EMID1: variants seen among roughly 807,000 people sequenced by gnomAD.
EMID1 encodes EMI domain-containing protein 1.
In EMID1, 40 loss-of-function variants were observed where a neutral mutation model predicts 60.6. That is an observed-to-expected ratio of 0.66 (90% CI 0.51 to 0.86). EMID1 has a LOEUF of 0.86. Among genes scored for constraint, EMID1 ranks in the 40% least tolerant of loss-of-function variants. EMID1 has a pLI of 0.00. For synonymous variants in EMID1, 242 were observed against 231.0 expected (o/e 1.05, Z -0.43); for missense variants, 585 against 597.1 (o/e 0.98, Z 0.21).
chr22:29,247,526 T>C (rs547311571), intron 13 of EMID1, among the ~76,000 whole-genome samples: 1 of 152,376 alleles, frequency 6.6e-6, no homozygotes, highest in African/African-American at 2.4e-5. Flanking sequence ...AAACAGCACG[T>C]TACTACGCTA....
chr22:29,228,861 G>A (rs1212913400), intron 5 of EMID1, among the ~76,000 whole-genome samples: 1 of 152,150 alleles, frequency 6.6e-6, no homozygotes, highest in African/African-American at 2.4e-5. Context: ...CTCCAGGAGT[G>A]TTGGGATTAC....
intron 5 of EMID1, among the ~76,000 whole-genome samples, chr22:29,230,811 C>G (rs1330388223): frequency 6.6e-6 from 1 of 152,096 alleles, no homozygotes; most frequent in African/African-American, 2.4e-5. Flanking sequence ...TTTAAATTTG[C>G]CATGTGTGGT....
intron 1 of EMID1, 111 bp downstream of exon 1, chr22:29,206,250 T>TGAG (rs35390145): frequency 0.029 from 24,790 of 857,784 alleles, 557 homozygotes; most frequent in African/African-American, 0.085. Context: ...CCAGCCCGGG[T>TGAG]GAGGGCAGGG....
At chr22:29,238,564 C>T (rs1347731963) in intron 12 of EMID1, among the ~76,000 whole-genome samples, 2 of 142,584 alleles carry the variant, frequency 1.4e-5, no homozygotes, top group Admixed American at 1.4e-4. Context: ...ATTACAGGCA[C>T]CTGCCATCAC....
chr22:29,248,738 G>A (rs780701465), intron 13 of EMID1, among the ~76,000 whole-genome samples: 5 of 152,132 alleles, frequency 3.3e-5, no homozygotes, highest in Admixed American at 6.5e-5. Context: ...GTACTTGGGA[G>A]GCTAAGGTGG....
chr22:29,233,710 T>C, intron 10 of EMID1, 44 bp downstream of exon 10: 1 of 1,574,080 alleles, frequency 6.4e-7, no homozygotes, highest in Non-Finnish European at 8.7e-7. Flanking sequence ...TCTGTCCATC[T>C]TTCCATCTAT....
At chr22:29,216,349 A>G (rs1199370753) in intron 3 of EMID1, 7 of 985,322 alleles carry the variant, frequency 7.1e-6, no homozygotes, top group Non-Finnish European at 8.4e-6. Flanking sequence ...TGAGCAGCCC[A>G]GGCCTCTCCC....
At position 29,233,208 on chromosome 22, in the gene EMID1, C is replaced by G. The variant is rs1029284598; in HGVS notation, c.824-171C>G. The G allele has an allele frequency of 5.9e-6, 4 of 681,674 alleles. No individual in the cohort carries two copies. The Admixed American group carries it at 7.1e-5, about 12-fold the overall frequency. 42.2% of individuals were successfully genotyped at this position (681,674 alleles called of 1,614,324 possible). Reference sequence around the variant, plus strand: ...CACATCTCCCTGCCTCCTGGTCTTGCGGGACCAACACTCTCCACACTCCTC... The same window carrying G: ...CACATCTCCCTGCCTCCTGGTCTTGGGGGACCAACACTCTCCACACTCCTC... On this transcript the variant is annotated intron_variant, in intron 8 of 14. Transcript: ENST00000334018.
At chr22:29,215,671 G>A (rs1323554238) in intron 3 of EMID1, 41 bp downstream of exon 3, 3 of 1,538,282 alleles carry the variant, frequency 2.0e-6, no homozygotes, top group Non-Finnish European at 2.7e-6. Context: ...TGCGACAGCA[G>A]GCCAGGTGCC....
intron 1 of EMID1, among the ~76,000 whole-genome samples, chr22:29,212,286 C>CT (rs1421252626): frequency 6.6e-6 from 1 of 151,386 alleles, no homozygotes; most frequent in African/African-American, 2.4e-5. Context: ...TGCACCCGAC[C>CT]CTTTTTTTTA....
intron 13 of EMID1, among the ~76,000 whole-genome samples, chr22:29,246,626 C>T (rs935061728): frequency 6.6e-6 from 1 of 152,078 alleles, no homozygotes; most frequent in African/African-American, 2.4e-5. Context: ...TGTCTGTGGA[C>T]CAACGGGAGG....
At chr22:29,247,659 C>T (rs1224561481) in intron 13 of EMID1, among the ~76,000 whole-genome samples, 1 of 152,200 alleles carries the variant, frequency 6.6e-6, no homozygotes, top group Non-Finnish European at 1.5e-5. Context: ...AGGACAAAAT[C>T]TTGCTCTGTC....
chr22:29,221,485 C>G (rs2040298210), intron 3 of EMID1, among the ~76,000 whole-genome samples: 1 of 152,206 alleles, frequency 6.6e-6, no homozygotes, highest in African/African-American at 2.4e-5. Context: ...CGCCATTCTC[C>G]TGCCTCAGCC....
At chr22:29,208,005 G>T (rs2039739457) in intron 1 of EMID1, among the ~76,000 whole-genome samples, 1 of 152,222 alleles carries the variant, frequency 6.6e-6, no homozygotes, top group African/African-American at 2.4e-5. Context: ...CTGGCCATGG[G>T]TCTCAGTTTT....
chr22:29,218,868 G>C lies in EMID1; in HGVS notation c.319+3238G>C, dbSNP rs776031818. On this transcript the variant is annotated intron_variant, in intron 3 of 14. Transcript: ENST00000334018. Reference sequence around the variant, plus strand: ...GATGAAAGTGAAGCTCAGAGAGGGCGTGGGTCTCACATAAGGTCACACAGC... The same window carrying C: ...GATGAAAGTGAAGCTCAGAGAGGGCCTGGGTCTCACATAAGGTCACACAGC... Among the ~76,000 whole-genome samples, 4 of 152,174 alleles carry C rather than the reference G, an allele frequency of 2.6e-5. No individual in the cohort carries two copies. In the South Asian group the frequency reaches 8.3e-4, roughly 32 times the overall value.
At chr22:29,208,756 G>A (rs971303590) in intron 1 of EMID1, among the ~76,000 whole-genome samples, 5 of 152,208 alleles carry the variant, frequency 3.3e-5, no homozygotes, top group African/African-American at 1.2e-4. Context: ...AGAAGGTACT[G>A]TGCTGGTGTC....
intron 14 of EMID1, among the ~76,000 whole-genome samples, chr22:29,258,422 TG>T (rs1482737788): frequency 5.9e-5 from 9 of 152,166 alleles, no homozygotes; most frequent in Non-Finnish European, 1.3e-4. Context: ...GCCTAGCCCA[TG>T]TCTGTTCCCT....
chr22:29,209,773 G>A (rs1385296127), intron 1 of EMID1, among the ~76,000 whole-genome samples: 1 of 152,186 alleles, frequency 6.6e-6, no homozygotes, highest in Admixed American at 6.5e-5. Context: ...TTTCCAGGCA[G>A]AGGGATCTTC....
Position 29,243,437 on chromosome 22 carries a change from C to T in EMID1, c.1075-8C>T, listed in dbSNP as rs2041222033. 2 of 1,613,886 alleles carry T rather than the reference C, an allele frequency of 1.2e-6. No homozygotes were observed. Among genetic ancestry groups the T allele is most frequent in the East Asian group, 4.5e-5 (2 of 44,878 alleles). The stretch of plus-strand genomic sequence containing the variant: ...CCTCACTGCTGCTATCTCTGTCTCT[C>T]CTTGCAGGGGGAACCTGGCCCTAAG... On this transcript the variant is annotated splice_region_variant and splice_polypyrimidine_tract_variant and intron_variant, in intron 12 of 14. Transcript: ENST00000334018.
Sources: allele counts gnomAD v4.1 joint callset (sites outside exome capture counted in the v4.1 genomes callset), GRCh38; gene constraint gnomAD v4.1.1; transcripts MANE v1.5; gene names NCBI Gene and HGNC (gene_info 2026-07-23, HGNC 2026-07-21).